The following ZMAT3 variants were observed in gnomAD, a reference collection of about 807,000 sequenced individuals.
The protein encoded by ZMAT3 is zinc finger matrin-type protein 3.
ZMAT3 carries 17 observed loss-of-function variants against 32.3 expected under a neutral mutation model. That is an observed-to-expected ratio of 0.53 (90% CI 0.36 to 0.79). The LOEUF (loss-of-function observed/expected upper bound fraction) is 0.79. ZMAT3 is among the 30% of genes least tolerant of loss of function. The pLI, the probability that ZMAT3 is intolerant of heterozygous loss-of-function variation, is 0.00. For synonymous variants in ZMAT3, 120 were observed against 133.1 expected (o/e 0.90, Z 0.68); for missense variants, 329 against 359.7 (o/e 0.91, Z 0.69).
intron 2 of ZMAT3, among the ~76,000 whole-genome samples, chr3:179,039,343 T>G (rs1719785547): frequency 1.3e-5 from 2 of 152,154 alleles, no homozygotes; most frequent in Non-Finnish European, 1.5e-5. Flanking sequence ...TGGGTGCCCC[T>G]CTGGGATGCA....
intron 2 of ZMAT3, among the ~76,000 whole-genome samples, chr3:179,054,191 C>T (rs1285940032): frequency 1.3e-5 from 2 of 152,244 alleles, no homozygotes; most frequent in African/African-American, 4.8e-5. Context: ...GGTTCCACTG[C>T]ACCTTGGGAC....
intron 5 of ZMAT3, among the ~76,000 whole-genome samples, chr3:179,027,134 T>C (rs1049838215): frequency 6.6e-6 from 1 of 152,206 alleles, no homozygotes; most frequent in Non-Finnish European, 1.5e-5. Flanking sequence ...TATCATGTCT[T>C]TTACATTTCT....
At chr3:179,035,205 GC>G (rs1419490627) in intron 2 of ZMAT3, among the ~76,000 whole-genome samples, 1 of 151,882 alleles carries the variant, frequency 6.6e-6, no homozygotes, top group Admixed American at 6.6e-5. Context: ...ACATGTTCTG[GC>G]CCCATCTAAT....
At chr3:179,032,077 C>G (rs1228141421) in intron 2 of ZMAT3, among the ~76,000 whole-genome samples, 1 of 141,946 alleles carries the variant, frequency 7.0e-6, no homozygotes, top group African/African-American at 2.6e-5. Context: ...TGCTTGCCGC[C>G]ATCTCGGCTC....
At chr3:179,067,451 A>G in intron 2 of ZMAT3, 32 bp downstream of exon 2, 1 of 1,608,896 alleles carries the variant, frequency 6.2e-7, no homozygotes, top group East Asian at 2.2e-5. Context: ...TGTTCACCCT[A>G]CTCAATGCCT....
intron 2 of ZMAT3, among the ~76,000 whole-genome samples, chr3:179,033,008 C>A (rs1434626033): frequency 6.6e-6 from 1 of 152,214 alleles, no homozygotes; most frequent in Non-Finnish European, 1.5e-5. Context: ...TCATTGAGAA[C>A]GGGCCACGAT....
In ZMAT3 at chr3:179,030,939, CAGG is replaced by C. The variant is rs765924226; in HGVS notation, c.328_330del (p.Pro110del). The C allele has an allele frequency of 3.7e-6, 6 of 1,613,698 alleles. No individual in the cohort carries two copies. In the African/African-American group the frequency reaches 4.0e-5, roughly 11 times the overall value. On this transcript the variant is annotated inframe_deletion, in exon 3 of 6. Coordinates refer to ENST00000311417, the MANE Select transcript of ZMAT3 (RefSeq NM_022470.4). ...GGCTCGACCACATTGCTCATTCTAG[CAGG>C]AGGAGGACAGCTATTTGCTGCATAG...
rs1333670643 is a variant in ZMAT3 at position 179,071,624 on chromosome 3, C to T, written c.-87G>A. ...ACCCCCGGGACGCGCCGGCAGTCTC[C>T]GCGCCGCGTCCGCCCGGGACGCCCG... On this transcript the variant is annotated 5_prime_UTR_variant, in exon 1 of 6. Coordinates refer to ENST00000311417, the MANE Select transcript of ZMAT3 (RefSeq NM_022470.4). 6.6e-6 allele frequency: 1 copy of T among 152,172 alleles called. No homozygotes were observed. Among genetic ancestry groups the T allele is most frequent in the African/African-American group, 2.4e-5 (1 of 41,438 alleles). 9.4% of individuals were successfully genotyped at this position (152,172 alleles called of 1,614,324 possible).
At chr3:179,058,763 AAAAAAAAAAAGAAAAAAG>A in intron 2 of ZMAT3, among the ~76,000 whole-genome samples, 1 of 150,998 alleles carries the variant, frequency 6.6e-6, no homozygotes, top group African/African-American at 2.4e-5. Flanking sequence ...CTCAAAAAAA[AAAAAAAAAAAGAAAAAAG>A]AAAAAGGACT....
At chr3:179,035,983 G>A in intron 2 of ZMAT3, among the ~76,000 whole-genome samples, 1 of 152,186 alleles carries the variant, frequency 6.6e-6, no homozygotes, top group East Asian at 1.9e-4. Flanking sequence ...GCTACAAGGA[G>A]AGATAACGGT....
chr3:179,056,578 C>A (rs1356804803), intron 2 of ZMAT3, among the ~76,000 whole-genome samples: 1 of 152,212 alleles, frequency 6.6e-6, no homozygotes, highest in African/African-American at 2.4e-5. Flanking sequence ...AAGCCATTAA[C>A]CAGATGATCC....
rs1313350267 is a variant in ZMAT3 at position 179,027,765 on chromosome 3, A to C, written c.438T>G (p.Asn146Lys). Residue 146 changes from asparagine to lysine, a missense_variant, in exon 4 of 6, where the codon AAT becomes AAG. By Grantham distance (94) the Asn-to-Lys change is moderately conservative. Transcript: ENST00000311417. ...AGGCATCACAGAGCTTACAGTAATC[A>C]TTCTCCGTGGCCAGGATCACTCGGC... ...PGGRVILATE[N>K]DYCKLCDASF... 6.2e-7 allele frequency: 1 copy of C among 1,614,068 alleles called. No individual in the cohort carries two copies. Among genetic ancestry groups the C allele is most frequent in the Non-Finnish European group, 8.5e-7 (1 of 1,180,022 alleles).
intron 1 of ZMAT3, among the ~76,000 whole-genome samples, chr3:179,068,902 A>G (rs1721563656): frequency 6.6e-6 from 1 of 152,232 alleles, no homozygotes; most frequent in Non-Finnish European, 1.5e-5. Flanking sequence ...CACTTGGCCC[A>G]CATTCCTATA....
chr3:179,059,720 A>ATC (rs1721053229), intron 2 of ZMAT3, among the ~76,000 whole-genome samples: 1 of 152,246 alleles, frequency 6.6e-6, no homozygotes, highest in African/African-American at 2.4e-5. Flanking sequence ...TCCAGAGGAA[A>ATC]TCTCAACTGC....
chr3:179,021,474 A>G lies in ZMAT3; in HGVS notation c.*3543T>C, dbSNP rs1042196094. On this transcript the variant is annotated 3_prime_UTR_variant, in exon 6 of 6. Transcript: ENST00000311417. Reference sequence around the variant, plus strand: ...ATTTTTTATGACAACTTACACAAAGATATTATTCACAGAGAAAAGAGACTG... The same window carrying G: ...ATTTTTTATGACAACTTACACAAAGGTATTATTCACAGAGAAAAGAGACTG... 2 of 152,194 alleles carry G rather than the reference A, an allele frequency of 1.3e-5. No individual in the cohort carries two copies. Among genetic ancestry groups the G allele is most frequent in the African/African-American group, 4.8e-5 (2 of 41,450 alleles). 9.4% of individuals were successfully genotyped at this position (152,194 alleles called of 1,614,324 possible). A position where few individuals can be genotyped will look rare whatever the true frequency, so the allele number is the denominator to read the frequency against.
chr3:179,031,623 A>C (rs1719198899), intron 2 of ZMAT3, among the ~76,000 whole-genome samples: 1 of 152,064 alleles, frequency 6.6e-6, no homozygotes, highest in Non-Finnish European at 1.5e-5. Context: ...AAAGTATCAC[A>C]TTGGCTGGGT....
rs1328916430 is a variant in ZMAT3 at position 179,027,772 on chromosome 3, G to A, written c.431C>T (p.Thr144Met). The change falls in exon 4 of 6, where the codon ACG becomes ATG. Residue 144 changes from threonine to methionine, a missense_variant. Transcript: ENST00000311417. ...FKPGGRVILA[T>M]ENDYCKLCDA... ...ACAGAGCTTACAGTAATCATTCTCC[G>A]TGGCCAGGATCACTCGGCCTCCTGG... 3.1e-6 allele frequency: 5 copies of A among 1,613,908 alleles called. No individual in the cohort carries two copies. The highest frequency in any genetic ancestry group is 2.2e-5 in the East Asian group (1 of 44,880).
intron 3 of ZMAT3, among the ~76,000 whole-genome samples, chr3:179,030,580 T>A (rs1203500777): frequency 6.6e-6 from 1 of 152,152 alleles, no homozygotes; most frequent in Non-Finnish European, 1.5e-5. Flanking sequence ...GGTCTCGATC[T>A]CTTGACCTCG....
rs866542406 is a variant in ZMAT3 at position 179,038,669 on chromosome 3, A to C, written c.271-7670T>G. Among the ~76,000 whole-genome samples the C allele has an allele frequency of 2.0e-5, 3 of 152,186 alleles. No individual in the cohort carries two copies. In the South Asian group the frequency reaches 6.2e-4, roughly 32 times the overall value. On this transcript the variant is annotated intron_variant, in intron 2 of 5. Coordinates refer to ENST00000311417, the MANE Select transcript of ZMAT3 (RefSeq NM_022470.4). ...AATGCAGCAGACGGGTGATATCCGCATTTTGAACTGAGGTACCTGGTTCAC... is the reference window on the plus strand; with the variant it reads ...AATGCAGCAGACGGGTGATATCCGCCTTTTGAACTGAGGTACCTGGTTCAC...
Sources: gnomAD v4.1 joint callset for allele counts (sites outside exome capture counted in the v4.1 genomes callset) on GRCh38, gnomAD v4.1.1 for gene constraint, MANE v1.5 for transcripts, NCBI Gene and HGNC (gene_info 2026-07-23, HGNC 2026-07-21) for gene names.